Variants in KBTBD8 observed in about 807,000 individuals in gnomAD.
KBTBD8 encodes the protein kelch repeat and BTB domain-containing protein 8.
KBTBD8 carries 31 observed loss-of-function variants against 53.5 expected under a neutral mutation model. The ratio of observed to expected loss-of-function variants is 0.58; its 90% confidence interval spans 0.44 to 0.78. The LOEUF is 0.78. KBTBD8 is among the 30% of genes least tolerant of loss of function. KBTBD8 has a pLI of 0.00. For missense variants in KBTBD8, 642 were observed against 735.8 expected (o/e 0.87, Z 1.48); for synonymous variants, 250 against 247.3 (o/e 1.01, Z -0.10).
chr3:67,004,397 G>A (rs1575579943), intron 3 of KBTBD8, 88 bp downstream of exon 3: 6 of 1,221,570 alleles, frequency 4.9e-6, no homozygotes, highest in Non-Finnish European at 4.7e-6. Flanking sequence ...TTGTGTTCCC[G>A]TTAATTGAGG....
At chr3:67,003,095 C>G (rs564154994) in intron 2 of KBTBD8, 100 bp from the exon 3 acceptor site, 14 of 1,215,532 alleles carry the variant, frequency 1.2e-5, no homozygotes, top group Middle Eastern at 4.0e-4. Context: ...TATTCTGTTT[C>G]AAAAGGTTAT....
Position 67,008,241 on chromosome 3 carries a change from A to G in KBTBD8, c.1662A>G (p.Arg554=), listed in dbSNP as rs1165715769. 2 of 1,614,094 alleles carry G rather than the reference A, an allele frequency of 1.2e-6. No homozygotes were observed. Among genetic ancestry groups the G allele is most frequent in the Non-Finnish European group, 1.7e-6 (2 of 1,180,014 alleles). The change falls in exon 4 of 4, where the codon AGA becomes AGG. Residue 554 remains arginine, a synonymous_variant. Coordinates refer to ENST00000417314, the MANE Select transcript of KBTBD8 (RefSeq NM_032505.3). ...AAGAACACGTCTTCAGAACCAGCAG[A>G]AAAAATTCCCTTTACCAATATGATG... ...TVEEHVFRTS[R]KNSLYQYDDI...
chr3:67,006,510 G>A (rs1459310091), intron 3 of KBTBD8, among the ~76,000 whole-genome samples: 2 of 152,160 alleles, frequency 1.3e-5, no homozygotes, highest in African/African-American at 2.4e-5. Context: ...TTATAGAGAA[G>A]TAGCACACAT....
chr3:67,001,550 G>T (rs1702018981), intron 2 of KBTBD8, among the ~76,000 whole-genome samples: 1 of 152,152 alleles, frequency 6.6e-6, no homozygotes, highest in African/African-American at 2.4e-5. Context: ...ATGATAAAGG[G>T]ATATGTGGTA....
rs913206977 is a variant in KBTBD8, at chr3:67,010,048, T to C, written c.*1663T>C. ...GTTAAAATGGACAGCATTTCTAGAA[T>C]TAACATTTTAAAATCTAGTCTTAGC... On this transcript the variant is annotated 3_prime_UTR_variant, in exon 4 of 4. Transcript: ENST00000417314. The C allele has an allele frequency of 1.3e-5, 2 of 152,608 alleles. No homozygotes were observed. Among genetic ancestry groups the C allele is most frequent in the Non-Finnish European group, 2.9e-5 (2 of 67,992 alleles). 9.5% of individuals were successfully genotyped at this position (152,608 alleles called of 1,614,324 possible). A position where few individuals can be genotyped will look rare whatever the true frequency, so the allele number is the denominator to read the frequency against.
intron 1 of KBTBD8, 102 bp from the exon 2 acceptor site, chr3:66,998,879 T>C: frequency 2.3e-6 from 2 of 865,868 alleles, no homozygotes; most frequent in Non-Finnish European, 1.9e-6. Flanking sequence ...ATATATCTTG[T>C]AGGGGGAAAA....
At chr3:66,998,394 C>T in intron 1 of KBTBD8, 23 bp downstream of exon 1, 2 of 900,916 alleles carry the variant, frequency 2.2e-6, no homozygotes, top group Non-Finnish European at 2.8e-6. Flanking sequence ...GTGGCCAGGG[C>T]GGCGTGGAGG....
chr3:67,004,149 A>G lies in KBTBD8; in HGVS notation c.1182A>G (p.Ala394=). 1.9e-6 allele frequency: 3 copies of G among 1,614,222 alleles called. No homozygotes were observed. Among genetic ancestry groups the G allele is most frequent in the Non-Finnish European group, 2.5e-6 (3 of 1,180,034 alleles). The change falls in exon 3 of 4, where the codon GCA becomes GCG. Residue 394 remains alanine (A), a synonymous_variant. Transcript: ENST00000417314. The stretch of plus-strand genomic sequence containing the variant: ...TCTATTGCTGTGGTAAAATGTATGC[A>G]ATCGGAGGTCGTGTTTATGAAGGTG... ...KLVYCCGKMY[A]IGGRVYEGDG...
chr3:67,003,897 C>A lies in KBTBD8; in HGVS notation c.930C>A (p.Val310=), dbSNP rs1194513188. ...AAACAGTGCCTTGTCTAGATATAGT[C>A]ACAGGAAGGGTGTTTAAACTATGCA... ...KKQTVPCLDI[V]TGRVFKLCKP... Residue 310 remains valine (V), a synonymous_variant, in exon 3 of 4, where the codon GTC becomes GTA. Transcript: ENST00000417314. The A allele has an allele frequency of 6.2e-7, 1 of 1,614,154 alleles. No homozygotes were observed. Among genetic ancestry groups the A allele is most frequent in the Admixed American group, 1.7e-5 (1 of 60,012 alleles).
At position 67,011,069 on chromosome 3, in the gene KBTBD8, G is replaced by T. The variant is rs972145902; in HGVS notation, c.*2684G>T. The T allele has an allele frequency of 2.0e-5, 3 of 152,626 alleles. No homozygotes were observed. The highest frequency in any genetic ancestry group is 6.5e-5 in the Admixed American group (1 of 15,286). The allele number at this position is 152,626 out of a possible 1,614,324, so 9.5% of individuals were successfully genotyped here. On this transcript the variant is annotated 3_prime_UTR_variant, in exon 4 of 4. Coordinates refer to ENST00000417314, the MANE Select transcript of KBTBD8 (RefSeq NM_032505.3). ...AGTTTAAAATGGAATTCAATGTTCA[G>T]TGCTCAGGTATGTAGTAAGTACTGT...
In KBTBD8 at chr3:67,003,340, A is replaced by G. The variant is rs774926770; in HGVS notation, c.373A>G (p.Thr125Ala). Residue 125 changes from threonine to alanine, a missense_variant, in exon 3 of 4, where the codon ACT becomes GCT. Coordinates refer to ENST00000417314, the MANE Select transcript of KBTBD8 (RefSeq NM_032505.3). Reference sequence around the variant, plus strand: ...AGAGGCCAATGTTCAAGCCTTGTTCACTGCAGCTAGCATCTTCCAGATTCC... The same window carrying G: ...AGAGGCCAATGTTCAAGCCTTGTTCGCTGCAGCTAGCATCTTCCAGATTCC... ...LTEANVQALF[T>A]AASIFQIPSI... 1 of 1,614,204 alleles carries G rather than the reference A, an allele frequency of 6.2e-7. No homozygotes were observed. The highest frequency in any genetic ancestry group is 1.1e-5 in the South Asian group (1 of 91,078).
intron 1 of KBTBD8, 95 bp downstream of exon 1, chr3:66,998,466 C>A: frequency 2.0e-6 from 2 of 995,778 alleles, no homozygotes; most frequent in Non-Finnish European, 2.7e-6. Context: ...CGTAGCGGTG[C>A]GGAGCTAGAG....
At chr3:67,006,548 T>C (rs1183800938) in intron 3 of KBTBD8, among the ~76,000 whole-genome samples, 1 of 152,190 alleles carries the variant, frequency 6.6e-6, no homozygotes, top group East Asian at 1.9e-4. Flanking sequence ...CTACCTTATT[T>C]ATCGAGAATC....
Position 67,009,810 on chromosome 3 carries a change from T to C in KBTBD8, c.*1425T>C, listed in dbSNP as rs1379601218. Reference sequence around the variant, plus strand: ...GAGTAATTCGTAAAGGGTATAAGCATAGGACAGATTTTGCCCTCAATCACA... The same window carrying C: ...GAGTAATTCGTAAAGGGTATAAGCACAGGACAGATTTTGCCCTCAATCACA... On this transcript the variant is annotated 3_prime_UTR_variant, in exon 4 of 4. Coordinates refer to ENST00000417314, the MANE Select transcript of KBTBD8 (RefSeq NM_032505.3). 3 of 152,628 alleles carry C rather than the reference T, an allele frequency of 2.0e-5. No homozygotes were observed. Among genetic ancestry groups the C allele is most frequent in the African/African-American group, 7.2e-5 (3 of 41,468 alleles). 9.5% of individuals were successfully genotyped at this position (152,628 alleles called of 1,614,324 possible).
chr3:67,010,521 A>C lies in KBTBD8; in HGVS notation c.*2136A>C, dbSNP rs560375897. On this transcript the variant is annotated 3_prime_UTR_variant, in exon 4 of 4. Coordinates refer to ENST00000417314, the MANE Select transcript of KBTBD8 (RefSeq NM_032505.3). Reference sequence around the variant, plus strand: ...CTTTTGGCTATGACAATTTGTATGGAGGGTACGATCTAAGTTAAGTGTGTC... The same window carrying C: ...CTTTTGGCTATGACAATTTGTATGGCGGGTACGATCTAAGTTAAGTGTGTC... 1 of 152,698 alleles carries C rather than the reference A, an allele frequency of 6.5e-6. No homozygotes were observed. Among genetic ancestry groups the C allele is most frequent in the South Asian group, 2.1e-4 (1 of 4,830 alleles). The allele number at this position is 152,698 out of a possible 1,614,324, so 9.5% of individuals were successfully genotyped here. A position where few individuals can be genotyped will look rare whatever the true frequency, so the allele number is the denominator to read the frequency against.
Position 67,003,359 on chromosome 3 carries a change from A to G in KBTBD8, c.392A>G (p.Gln131Arg). The G allele has an allele frequency of 6.2e-7, 1 of 1,614,218 alleles. No homozygotes were observed. The highest frequency in any genetic ancestry group is 1.3e-5 in the African/African-American group (1 of 75,058). The change falls in exon 3 of 4, where the codon CAG becomes CGG. Residue 131 changes from glutamine (Q) to arginine (R), a missense_variant. By Grantham distance (43) the Gln-to-Arg change is conservative. Coordinates refer to ENST00000417314, the MANE Select transcript of KBTBD8 (RefSeq NM_032505.3). Reference protein sequence around the residue: ...QALFTAASIFQIPSIQDQCAK... With the variant: ...QALFTAASIFRIPSIQDQCAK... ...TTGTTCACTGCAGCTAGCATCTTCC[A>G]GATTCCTTCCATCCAAGACCAATGT...
In KBTBD8 at chr3:67,008,309, G is replaced by A. The variant is rs767521902; in HGVS notation, c.1730G>A (p.Arg577Gln). The A allele has an allele frequency of 5.0e-6, 8 of 1,613,606 alleles. No individual in the cohort carries two copies. Among genetic ancestry groups the A allele is most frequent in the East Asian group, 2.2e-5 (1 of 44,870 alleles). Residue 577 changes from arginine (R) to glutamine (Q), a missense_variant, in exon 4 of 4, where the codon CGG (arginine) becomes CAG (glutamine). Arg to Gln is a conservative substitution (Grantham distance 43). Transcript: ENST00000417314. ...ATGAAAGTGTATGAGACCCCAGATCGGCTCTGGGACCTTGGCCGGCATTTT... is the reference window on the plus strand; with the variant it reads ...ATGAAAGTGTATGAGACCCCAGATCAGCTCTGGGACCTTGGCCGGCATTTT... ...QWMKVYETPD[R>Q]LWDLGRHFEC...
Position 67,008,103 on chromosome 3 carries a change from A to G in KBTBD8, c.1524A>G (p.Lys508=). 6.2e-7 allele frequency: 1 copy of G among 1,614,128 alleles called. No homozygotes were observed. The highest frequency in any genetic ancestry group is 2.2e-5 in the East Asian group (1 of 44,878). ...TVEAYDIELN[K]WTRKKDFPCD... is the part of the protein sequence containing the mutation. ...AAGCCTATGATATTGAGCTAAATAA[A>G]TGGACTCGTAAGAAAGACTTTCCAT... The change falls in exon 4 of 4, where the codon AAA becomes AAG. Residue 508 remains lysine, a synonymous_variant. Coordinates refer to ENST00000417314, the MANE Select transcript of KBTBD8 (RefSeq NM_032505.3).
At position 67,009,412 on chromosome 3, in the gene KBTBD8, C is replaced by G. The variant is rs573064205; in HGVS notation, c.*1027C>G. 1 of 152,636 alleles carries G rather than the reference C, an allele frequency of 6.6e-6. No homozygotes were observed. Among genetic ancestry groups the G allele is most frequent in the Admixed American group, 6.5e-5 (1 of 15,286 alleles). The allele number at this position is 152,636 out of a possible 1,614,324, so 9.5% of individuals were successfully genotyped here. ...CAAGGAAAGGTAACTTATTTCTCTT[C>G]TGCACAGAGCATAATGTGAAGTTTT... On this transcript the variant is annotated 3_prime_UTR_variant, in exon 4 of 4. Coordinates refer to ENST00000417314, the MANE Select transcript of KBTBD8 (RefSeq NM_032505.3).
Sources: allele counts gnomAD v4.1 joint callset (sites outside exome capture counted in the v4.1 genomes callset), GRCh38; gene constraint gnomAD v4.1.1; transcripts MANE v1.5; gene names NCBI Gene and HGNC (gene_info 2026-07-23, HGNC 2026-07-21).